The following SLC25A21 variants were observed in gnomAD, a reference collection of about 807,000 sequenced individuals.
SLC25A21 encodes the protein mitochondrial 2-oxodicarboxylate carrier.
SLC25A21 carries 47 observed loss-of-function variants against 43.8 expected under a neutral mutation model. The observed-to-expected ratio is 1.07, with a 90% confidence interval of 0.85 to 1.37. The LOEUF (loss-of-function observed/expected upper bound fraction) is 1.37. SLC25A21 is among the 40% of genes most tolerant of loss of function. The pLI, the probability that SLC25A21 is intolerant of heterozygous loss-of-function variation, is 0.00. For synonymous variants in SLC25A21, 131 were observed against 121.3 expected (o/e 1.08, Z -0.52); for missense variants, 352 against 350.2 (o/e 1.00, Z -0.04).
intron 1 of SLC25A21, among the ~76,000 whole-genome samples, chr14:37,124,626 T>C (rs1963266062): frequency 1.3e-5 from 2 of 152,198 alleles, no homozygotes; most frequent in Admixed American, 6.5e-5. Flanking sequence ...GTTACAGATA[T>C]CACCAAATGC....
rs1411214618 is a variant in SLC25A21 at position 37,092,760 on chromosome 14, A to G, written c.70+79521T>C. On this transcript the variant is annotated intron_variant, in intron 1 of 9. Coordinates refer to ENST00000331299, the MANE Select transcript of SLC25A21 (RefSeq NM_030631.4). The stretch of plus-strand genomic sequence containing the variant: ...GCTGAGCTACTGGAAAAAGACTCAA[A>G]TTTATCCCACCTTTTTTTTTAATTT... 5.3e-5 allele frequency among the ~76,000 whole-genome samples: 8 copies of G among 152,156 alleles called. No individual in the cohort carries two copies. The East Asian group carries it at 1.5e-3, about 29-fold the overall frequency.
intron 1 of SLC25A21, among the ~76,000 whole-genome samples, chr14:36,920,814 AGAG>A (rs1891960070): frequency 6.6e-6 from 1 of 152,108 alleles, no homozygotes; most frequent in South Asian, 2.1e-4. Flanking sequence ...GCCCAGAAAA[AGAG>A]GAGCACTAGC....
chr14:36,980,445 C>A (rs1462428174), intron 1 of SLC25A21, among the ~76,000 whole-genome samples: 1 of 152,184 alleles, frequency 6.6e-6, no homozygotes, highest in African/African-American at 2.4e-5. Flanking sequence ...TTGTTCATTT[C>A]TTTTTACTTT....
intron 3 of SLC25A21, among the ~76,000 whole-genome samples, chr14:36,776,226 C>CTTTTTTTT (rs1227806836): frequency 2.1e-5 from 1 of 48,082 alleles, no homozygotes; most frequent in Non-Finnish European, 4.6e-5. Flanking sequence ...TTTTCTTTTT[C>CTTTTTTTT]TTTCTTTCTT....
chr14:36,892,734 T>C (rs2138584954), intron 1 of SLC25A21, among the ~76,000 whole-genome samples: 1 of 152,126 alleles, frequency 6.6e-6, no homozygotes, highest in East Asian at 1.9e-4. Flanking sequence ...GTGTGTGATG[T>C]TCCCCTTCCT....
chr14:37,160,989 A>C, intron 1 of SLC25A21, among the ~76,000 whole-genome samples: 1 of 63,686 alleles, frequency 1.6e-5, no homozygotes, highest in African/African-American at 5.1e-5. Flanking sequence ...GGGGTGGGGA[A>C]AAGGGGGGGC....
chr14:36,857,132 G>A (rs1226759422), intron 2 of SLC25A21, among the ~76,000 whole-genome samples: 1 of 152,136 alleles, frequency 6.6e-6, no homozygotes, highest in Non-Finnish European at 1.5e-5. Flanking sequence ...TGTGTTTAAA[G>A]CCTAAGACAT....
intron 1 of SLC25A21, among the ~76,000 whole-genome samples, chr14:37,004,493 T>C (rs193245745): frequency 4.4e-4 from 67 of 152,328 alleles, no homozygotes; most frequent in African/African-American, 1.5e-3. Context: ...AGTGAAAAGA[T>C]GTAATTCATG....
intron 1 of SLC25A21, among the ~76,000 whole-genome samples, chr14:37,119,116 C>T (rs1963158461): frequency 6.6e-6 from 1 of 152,138 alleles, no homozygotes; most frequent in South Asian, 2.1e-4. Flanking sequence ...CCACTGGCGC[C>T]ATGACAGTTT....
At chr14:37,060,695 T>C (rs117609222) in intron 1 of SLC25A21, among the ~76,000 whole-genome samples, 1,616 of 152,238 alleles carry the variant, frequency 0.011, 17 homozygotes, top group Middle Eastern at 0.031. Context: ...ACTGCCCATC[T>C]TTGCAACCTC....
chr14:37,160,181 G>A (rs1963914530), intron 1 of SLC25A21, among the ~76,000 whole-genome samples: 1 of 152,108 alleles, frequency 6.6e-6, no homozygotes, highest in African/African-American at 2.4e-5. Flanking sequence ...ACTAAAAATA[G>A]AATTACCACT....
chr14:37,080,101 A>G (rs1378532482), intron 1 of SLC25A21, among the ~76,000 whole-genome samples: 1 of 152,148 alleles, frequency 6.6e-6, no homozygotes, highest in African/African-American at 2.4e-5. Flanking sequence ...GTACCTTTCT[A>G]TTGTTTATAA....
chr14:36,851,955 C>A (rs140963194), intron 2 of SLC25A21, among the ~76,000 whole-genome samples: 5 of 152,182 alleles, frequency 3.3e-5, no homozygotes, highest in African/African-American at 1.2e-4. Context: ...ACATGGGACT[C>A]TGGAAGGGTA....
chr14:36,694,390 T>C (rs1463595997), intron 7 of SLC25A21, among the ~76,000 whole-genome samples: 174 of 152,214 alleles, frequency 1.1e-3, no homozygotes, highest in Non-Finnish European at 1.3e-4. Context: ...CATGTGTCTT[T>C]ATAGTAGCAT....
intron 1 of SLC25A21, among the ~76,000 whole-genome samples, chr14:36,899,786 T>A (rs1029046035): frequency 6.6e-6 from 1 of 152,220 alleles, no homozygotes; most frequent in Non-Finnish European, 1.5e-5. Context: ...ATTCAGCATT[T>A]ATTTCAGGCA....
At chr14:36,850,814 T>C (rs1889704922) in intron 2 of SLC25A21, among the ~76,000 whole-genome samples, 1 of 152,132 alleles carries the variant, frequency 6.6e-6, no homozygotes, top group Admixed American at 6.5e-5. Flanking sequence ...TAAGAAGCAA[T>C]ATTTTGGTCT....
intron 1 of SLC25A21, among the ~76,000 whole-genome samples, chr14:37,108,503 A>C (rs956400662): frequency 1.2e-4 from 19 of 152,342 alleles, no homozygotes; most frequent in African/African-American, 4.6e-4. Context: ...AAGAAAAATG[A>C]ACAGAATGAA....
intron 9 of SLC25A21, among the ~76,000 whole-genome samples, chr14:36,681,642 GA>G (rs1247252447): frequency 6.9e-6 from 1 of 144,418 alleles, no homozygotes; most frequent in Non-Finnish European, 1.5e-5. Context: ...ACAACTTAGA[GA>G]AGACTTGGCT....
rs536977461 is a variant in SLC25A21 at position 36,740,703 on chromosome 14, T to C, written c.204-6130A>G. ...GGTCACAGAGCAACCAATGAAAAGA[T>C]GCTGACTGTATGGAAGCAAGGAAAT... On this transcript the variant is annotated intron_variant, in intron 3 of 9. Coordinates refer to ENST00000331299, the MANE Select transcript of SLC25A21 (RefSeq NM_030631.4). 3.5e-5 allele frequency among the ~76,000 whole-genome samples: 5 copies of C among 141,302 alleles called. No individual in the cohort carries two copies. The East Asian group carries it at 1.0e-3, about 29-fold the overall frequency. 92.7% of individuals were successfully genotyped at this position (141,302 alleles called of 152,430 possible). A position where few individuals can be genotyped will look rare whatever the true frequency, so the allele number is the denominator to read the frequency against.
Sources: allele counts gnomAD v4.1 joint callset (sites outside exome capture counted in the v4.1 genomes callset), GRCh38; gene constraint gnomAD v4.1.1; transcripts MANE v1.5; gene names NCBI Gene and HGNC (gene_info 2026-07-23, HGNC 2026-07-21).